Variants in BBS12 observed in about 807,000 individuals in gnomAD.
BBS12 encodes the protein chaperonin-containing T-complex member BBS12.
In BBS12, 5 loss-of-function variants were observed where a neutral mutation model predicts 5.6. The ratio of observed to expected loss-of-function variants is 0.89; its 90% CI spans 0.46 to 1.86. BBS12 has a LOEUF of 1.86. Among genes scored for constraint, BBS12 ranks in the 40% most tolerant of loss-of-function variants. BBS12 has a pLI of 0.01. For synonymous variants in BBS12, 308 were observed against 306.8 expected (o/e 1.00, Z -0.04); for missense variants, 748 against 830.4 (o/e 0.90, Z 1.22).
chr4:122,731,669 G>A, upstream of BBS12: 1 of 151,998 alleles, frequency 6.6e-6, no homozygotes, highest in Non-Finnish European at 1.5e-5. Context: ...CAAATCCTAA[G>A]GCCCACACTG....
chr4:122,709,605 A>G, the BBS12 span, among the ~76,000 whole-genome samples: 1 of 152,296 alleles, frequency 6.6e-6, no homozygotes, highest in East Asian at 1.9e-4. Context: ...TGCTAGCTAT[A>G]AAAATGATGG....
At chr4:122,726,618 C>T in the BBS12 span, among the ~76,000 whole-genome samples, 1 of 151,870 alleles carries the variant, frequency 6.6e-6, no homozygotes. Flanking sequence ...ACTTGCATAT[C>T]CATGTTTATA....
chr4:122,722,022 G>T, the BBS12 span, among the ~76,000 whole-genome samples: 4 of 152,142 alleles, frequency 2.6e-5, no homozygotes, highest in East Asian at 7.7e-4. Context: ...TTATAAAAAT[G>T]ATATTTTCCT....
At chr4:122,708,921 C>T in the BBS12 span, among the ~76,000 whole-genome samples, 6 of 152,006 alleles carry the variant, frequency 3.9e-5, no homozygotes, top group East Asian at 3.9e-4. Context: ...TAACTATCAA[C>T]GGTATTAACG....
upstream of BBS12, among the ~76,000 whole-genome samples, chr4:122,728,312 A>G (rs1339724592): frequency 1.3e-5 from 2 of 152,174 alleles, no homozygotes; most frequent in South Asian, 4.1e-4. Flanking sequence ...ATTCCATTCC[A>G]TTAGAATGGA....
the BBS12 span, among the ~76,000 whole-genome samples, chr4:122,714,257 AC>A: frequency 2.0e-5 from 3 of 152,296 alleles, no homozygotes; most frequent in East Asian, 1.9e-4. Flanking sequence ...CCTCACCAGA[AC>A]CCTGTTATCC....
chr4:122,716,577 G>GTA, the BBS12 span, among the ~76,000 whole-genome samples: 1 of 147,602 alleles, frequency 6.8e-6, no homozygotes, highest in Admixed American at 6.7e-5. Flanking sequence ...ATAAACATAT[G>GTA]TATATATACA....
chr4:122,704,166 A>T, the BBS12 span, among the ~76,000 whole-genome samples: 1 of 152,188 alleles, frequency 6.6e-6, no homozygotes, highest in Non-Finnish European at 1.5e-5. Context: ...TGAATCTTTA[A>T]ATGGCAGAGT....
Position 122,735,302 on chromosome 4 carries a change from G to A in BBS12, c.-11+2418G>A, listed in dbSNP as rs566060274. On this transcript the variant is annotated intron_variant, in intron 1 of 1. Coordinates refer to ENST00000314218, the MANE Select transcript of BBS12 (RefSeq NM_152618.3). ...TTAGTGAAAATAAATATGTTCTAGCGTGACAAGATCATGAGGTTTATAAGG... is the reference window on the plus strand; with the variant it reads ...TTAGTGAAAATAAATATGTTCTAGCATGACAAGATCATGAGGTTTATAAGG... 5.2e-4 allele frequency among the ~76,000 whole-genome samples: 79 copies of A among 152,294 alleles called. 2 individuals are homozygous for A. Among genetic ancestry groups the A allele is most frequent in the East Asian group, 7.7e-4 (4 of 5,192 alleles).
At chr4:122,707,326 A>G in the BBS12 span, among the ~76,000 whole-genome samples, 1 of 151,960 alleles carries the variant, frequency 6.6e-6, no homozygotes, top group African/African-American at 2.4e-5. Flanking sequence ...TTTTATAGTC[A>G]GCAAAATACA....
chr4:122,705,768 T>C, the BBS12 span, among the ~76,000 whole-genome samples: 3 of 152,218 alleles, frequency 2.0e-5, no homozygotes, highest in Non-Finnish European at 2.9e-5. Context: ...GTACAGTTAA[T>C]GTGAAAAATA....
the BBS12 span, among the ~76,000 whole-genome samples, chr4:122,709,043 T>A: frequency 6.6e-6 from 1 of 152,038 alleles, no homozygotes; most frequent in African/African-American, 2.4e-5. Flanking sequence ...AAACGATTTG[T>A]TTTATGAGTG....
chr4:122,705,841 C>T, the BBS12 span, among the ~76,000 whole-genome samples: 1 of 152,194 alleles, frequency 6.6e-6, no homozygotes, highest in Non-Finnish European at 1.5e-5. Context: ...ATTTAGAACT[C>T]AGAACACTCT....
the BBS12 span, among the ~76,000 whole-genome samples, chr4:122,716,651 G>GTATATGCACATACACATATGTGTA: frequency 2.2e-5 from 2 of 92,176 alleles, no homozygotes; most frequent in South Asian, 3.5e-4. Flanking sequence ...ACACGTGTGT[G>GTATATGCACATACACATATGTGTA]TATATGCACA....
At chr4:122,719,451 T>C in the BBS12 span, among the ~76,000 whole-genome samples, 1 of 152,122 alleles carries the variant, frequency 6.6e-6, no homozygotes, top group African/African-American at 2.4e-5. Context: ...ATCTTGCTGC[T>C]GCTCAGTCTT....
At position 122,737,521 on chromosome 4, in the gene BBS12, C is replaced by G. The variant is rs904136144; in HGVS notation, c.-10-4362C>G. Among the ~76,000 whole-genome samples, 3 of 152,178 alleles carry G rather than the reference C, an allele frequency of 2.0e-5. No individual in the cohort carries two copies. The South Asian group carries it at 6.2e-4, about 31-fold the overall frequency. ...TGAATGAATACTACATTACATAATA[C>G]TTGTAAAATGCCTCATACTTAGTAA... is the stretch of plus-strand genomic sequence containing the variant. On this transcript the variant is annotated intron_variant, in intron 1 of 1. Coordinates refer to ENST00000314218, the MANE Select transcript of BBS12 (RefSeq NM_152618.3).
At chr4:122,726,131 A>C in the BBS12 span, among the ~76,000 whole-genome samples, 1 of 152,164 alleles carries the variant, frequency 6.6e-6, no homozygotes, top group African/African-American at 2.4e-5. Context: ...AGCAGAGTAC[A>C]CAGACAACCG....
chr4:122,716,529 TTATATATACATATGTGTA>T, the BBS12 span, among the ~76,000 whole-genome samples: 1 of 86,472 alleles, frequency 1.2e-5, no homozygotes, highest in African/African-American at 5.7e-5. Context: ...CAAATTATAT[TTATATATACATATGTGTA>T]TATATACACA....
At chr4:122,737,286 G>A (rs930370495) in intron 1 of BBS12, among the ~76,000 whole-genome samples, 5 of 152,210 alleles carry the variant, frequency 3.3e-5, no homozygotes, top group Admixed American at 2.0e-4. Flanking sequence ...CTAAAGAAGA[G>A]AGGGTGAATT....
Sources: allele counts gnomAD v4.1 joint callset (sites outside exome capture counted in the v4.1 genomes callset), GRCh38; gene constraint gnomAD v4.1.1; transcripts MANE v1.5; gene names NCBI Gene and HGNC (gene_info 2026-07-23, HGNC 2026-07-21).